BTBD8: variants seen among roughly 807,000 people sequenced by gnomAD.
BTBD8 encodes BTB/POZ domain-containing protein 8.
In BTBD8, 110 loss-of-function variants were observed where a neutral mutation model predicts 162.9. The ratio of observed to expected loss-of-function variants is 0.68; its 90% CI spans 0.58 to 0.79. The LOEUF (loss-of-function observed/expected upper bound fraction) is 0.79. Among genes scored for constraint, BTBD8 ranks in the 30% least tolerant of loss-of-function variants. The pLI is 0.00. For synonymous variants in BTBD8, 667 were observed against 716.1 expected (o/e 0.93, Z 1.10); for missense variants, 1,905 against 2,085.4 (o/e 0.91, Z 1.68).
At chr1:92,169,988 T>TG (rs1472120084) in intron 12 of BTBD8, among the ~76,000 whole-genome samples, 1 of 152,174 alleles carries the variant, frequency 6.6e-6, no homozygotes, top group Non-Finnish European at 1.5e-5. Flanking sequence ...TTTTAAATGA[T>TG]GGTTTATTTT....
intron 9 of BTBD8, among the ~76,000 whole-genome samples, chr1:92,149,424 T>C (rs980563859): frequency 6.6e-6 from 1 of 152,218 alleles, no homozygotes; most frequent in Non-Finnish European, 1.5e-5. Context: ...AGTTGTATCA[T>C]GTTAGATGGA....
At chr1:92,144,207 C>A (rs1441943962) in intron 7 of BTBD8, among the ~76,000 whole-genome samples, 1 of 151,800 alleles carries the variant, frequency 6.6e-6, no homozygotes, top group Non-Finnish European at 1.5e-5. Context: ...CTCCTGACCT[C>A]AGGTGATGCA....
At chr1:92,158,802 A>G (rs1280599066) in intron 9 of BTBD8, among the ~76,000 whole-genome samples, 1 of 152,070 alleles carries the variant, frequency 6.6e-6, no homozygotes, top group East Asian at 1.9e-4. Flanking sequence ...TTAAGACAGG[A>G]TCTCACTCTG....
chr1:92,180,414 A>G lies in BTBD8; in HGVS notation c.2731A>G (p.Lys911Glu). The change falls in exon 17 of 18, where the codon AAG becomes GAG. Residue 911 changes from lysine (K) to glutamate (E), a missense_variant. Transcript: ENST00000636805. Reference protein sequence around the residue: ...MVKQVHTALPKVNAKIVAMPK... With the variant: ...MVKQVHTALPEVNAKIVAMPK... Reference sequence around the variant, plus strand: ...CAAGCAAGTACACACAGCTTTGCCTAAGGTTAATGCAAAAATAGTGGCAAT... The same window carrying G: ...CAAGCAAGTACACACAGCTTTGCCTGAGGTTAATGCAAAAATAGTGGCAAT... 2 of 1,551,636 alleles carry G rather than the reference A, an allele frequency of 1.3e-6. No individual in the cohort carries two copies.
At chr1:92,115,133 C>T (rs747843956) in intron 4 of BTBD8, 17 of 489,936 alleles carry the variant, frequency 3.5e-5, no homozygotes, top group Non-Finnish European at 4.9e-5. Context: ...GCTTCCTGTT[C>T]GACTTGGGGA....
intron 12 of BTBD8, 29 bp from the exon 13 acceptor site, chr1:92,171,370 T>A: frequency 6.6e-7 from 1 of 1,518,978 alleles, no homozygotes; most frequent in South Asian, 1.3e-5. Flanking sequence ...ATGTTCCTTA[T>A]AAAAACAAAT....
intron 3 of BTBD8, 89 bp from the exon 4 acceptor site, chr1:92,107,795 T>C (rs1648773149): frequency 9.9e-7 from 1 of 1,009,072 alleles, no homozygotes; most frequent in South Asian, 1.6e-5. Context: ...GAGATAATTA[T>C]GTGGGAAACC....
intron 17 of BTBD8, 28 bp from the exon 18 acceptor site, chr1:92,183,836 C>A: frequency 6.9e-7 from 1 of 1,439,976 alleles, no homozygotes; most frequent in Non-Finnish European, 9.3e-7. Context: ...GCAATTTTTA[C>A]ATTGTGTAGT....
chr1:92,123,152 C>A (rs1326286047), intron 4 of BTBD8, among the ~76,000 whole-genome samples: 10 of 152,100 alleles, frequency 6.6e-5, no homozygotes, highest in Admixed American at 6.6e-4. Flanking sequence ...AAGCAATTGG[C>A]CATATGTATG....
intron 4 of BTBD8, among the ~76,000 whole-genome samples, chr1:92,128,672 G>C (rs185664072): frequency 6.6e-6 from 1 of 151,618 alleles, no homozygotes; most frequent in East Asian, 1.9e-4. Flanking sequence ...CACCCGCCTC[G>C]GCCTCCCAAA....
chr1:92,126,996 C>A (rs1649376562), intron 4 of BTBD8, among the ~76,000 whole-genome samples: 1 of 152,102 alleles, frequency 6.6e-6, no homozygotes, highest in Non-Finnish European at 1.5e-5. Context: ...GAAAAATGCT[C>A]ATTTTTCCAC....
intron 7 of BTBD8, among the ~76,000 whole-genome samples, chr1:92,146,448 C>T (rs940200263): frequency 6.6e-6 from 1 of 152,170 alleles, no homozygotes; most frequent in Admixed American, 6.5e-5. Context: ...AATGAGCATA[C>T]AGTTACACAT....
rs757797238 is a variant in BTBD8 at position 92,080,684 on chromosome 1, C to T, written c.113C>T (p.Ala38Val). The stretch of plus-strand genomic sequence containing the variant: ...CCGTGTGAGCGGCGCCGGCTGAAGG[C>T]GACGGTGTCGGAGCAGCTCAGCCAG... ...KGPCERRRLKATVSEQLSQDL... is the reference protein window; with the variant it reads ...KGPCERRRLKVTVSEQLSQDL... Residue 38 changes from alanine (A) to valine (V), a missense_variant, in exon 1 of 18, where the codon GCG becomes GTG. By Grantham distance (64) the Ala-to-Val change is moderately conservative. Coordinates refer to ENST00000636805, the MANE Select transcript of BTBD8 (RefSeq NM_001376131.1). The T allele has an allele frequency of 1.6e-5, 25 of 1,612,544 alleles. No individual in the cohort carries two copies. Among genetic ancestry groups the T allele is most frequent in the Non-Finnish European group, 2.1e-5 (25 of 1,179,474 alleles).
chr1:92,080,350 T>G lies in BTBD8; in HGVS notation c.-222T>G. ...CGAGTACGCCTGCGCACGCTCTTCCTGGGTCAAGAGCCGGCTCGGTTCTGG... is the reference window on the plus strand; with the variant it reads ...CGAGTACGCCTGCGCACGCTCTTCCGGGGTCAAGAGCCGGCTCGGTTCTGG... On this transcript the variant is annotated 5_prime_UTR_variant, in exon 1 of 18. Transcript: ENST00000636805. 3.3e-6 allele frequency: 2 copies of G among 606,156 alleles called. No individual in the cohort carries two copies. Among genetic ancestry groups the G allele is most frequent in the Non-Finnish European group, 5.4e-6 (2 of 367,670 alleles). 37.5% of individuals were successfully genotyped at this position (606,156 alleles called of 1,614,324 possible).
At chr1:92,112,952 G>A (rs1170059489) in intron 4 of BTBD8, among the ~76,000 whole-genome samples, 3 of 152,084 alleles carry the variant, frequency 2.0e-5, no homozygotes, top group Non-Finnish European at 4.4e-5. Flanking sequence ...GCATAATCCA[G>A]GCCATTATTC....
chr1:92,123,413 A>G (rs1649268153), intron 4 of BTBD8, among the ~76,000 whole-genome samples: 1 of 152,218 alleles, frequency 6.6e-6, no homozygotes, highest in Non-Finnish European at 1.5e-5. Flanking sequence ...TGGTAAATCT[A>G]GAAACTAATT....
At position 92,177,894 on chromosome 1, in the gene BTBD8, A is replaced by G; in HGVS notation, c.2437A>G (p.Asn813Asp). The part of the protein sequence containing the change: ...SIHEQDTNVN[N>D]SVLKKVSGKG... ...TCATGAACAAGACACTAATGTAAAT[A>G]ACAGGTAGGTCTTCATTCAGTGTTT... Residue 813 changes from asparagine to aspartate, a missense_variant, in exon 15 of 18, where the codon AAC becomes GAC. Transcript: ENST00000636805. The G allele has an allele frequency of 6.8e-7, 1 of 1,481,208 alleles. No homozygotes were observed. The highest frequency in any genetic ancestry group is 9.2e-7 in the Non-Finnish European group (1 of 1,083,818). 91.8% of individuals were successfully genotyped at this position (1,481,208 alleles called of 1,614,324 possible). A position where few individuals can be genotyped will look rare whatever the true frequency, so the allele number is the denominator to read the frequency against.
chr1:92,150,335 T>A (rs985124557), intron 9 of BTBD8, among the ~76,000 whole-genome samples: 27 of 152,116 alleles, frequency 1.8e-4, no homozygotes, highest in African/African-American at 6.5e-4. Context: ...AAAAACAAGA[T>A]AAGTACCCAG....
chr1:92,147,294 A>G, intron 8 of BTBD8, 26 bp downstream of exon 8: 1 of 1,544,636 alleles, frequency 6.5e-7, no homozygotes, highest in Admixed American at 1.8e-5. Context: ...TAGTGCTGAT[A>G]CTATTAATTT....
Sources: gnomAD v4.1 joint callset for allele counts (sites outside exome capture counted in the v4.1 genomes callset) on GRCh38, gnomAD v4.1.1 for gene constraint, MANE v1.5 for transcripts, NCBI Gene and HGNC (gene_info 2026-07-23, HGNC 2026-07-21) for gene names.